RAD51B: variants seen among roughly 807,000 people sequenced by gnomAD.
RAD51B encodes DNA repair protein RAD51 homolog 2.
Under a neutral mutation model 42.2 loss-of-function variants are expected in RAD51B, and 38 were observed. The observed-to-expected ratio is 0.90, with a 90% CI of 0.70 to 1.18. The LOEUF (loss-of-function observed/expected upper bound fraction) is 1.18. Ranked by LOEUF, RAD51B falls within the 50% of genes most tolerant of loss-of-function variation. RAD51B has a pLI of 0.00. For missense variants in RAD51B, 373 were observed against 400.7 expected, an observed-to-expected ratio of 0.93 and a Z score of 0.59; for synonymous variants, 154 against 145.2, an observed-to-expected ratio of 1.06 and a Z score of -0.43.
intron 10 of RAD51B, among the ~76,000 whole-genome samples, chr14:68,593,723 G>T (rs538434078): frequency 2.4e-4 from 36 of 152,150 alleles, no homozygotes; most frequent in Non-Finnish European, 5.1e-4. Flanking sequence ...ACAAAGAGAG[G>T]CTCCCACTGT....
chr14:68,301,508 A>T (rs1439190643), intron 8 of RAD51B, among the ~76,000 whole-genome samples: 1 of 151,674 alleles, frequency 6.6e-6, no homozygotes, highest in Non-Finnish European at 1.5e-5. Context: ...TTGCCCTTTG[A>T]CTGGATACTA....
chr14:68,141,797 A>G (rs955521313), intron 7 of RAD51B, among the ~76,000 whole-genome samples: 1 of 152,184 alleles, frequency 6.6e-6, no homozygotes, highest in Admixed American at 6.5e-5. Flanking sequence ...AAGCATAATA[A>G]AAGTAGGACT....
intron 7 of RAD51B, among the ~76,000 whole-genome samples, chr14:67,899,727 C>CT (rs377632372): frequency 7.2e-5 from 11 of 152,222 alleles, no homozygotes; most frequent in African/African-American, 2.2e-4. Context: ...TTGATAACTA[C>CT]TTTTTTTGTT....
chr14:67,865,072 A>C lies in RAD51B; in HGVS notation c.385A>C (p.Thr129Pro). Reference sequence around the variant, plus strand: ...GATGAGCATTTTGGCTACATTACCCACCAACATGGGAGGATTAGAAGGAGC... The same window carrying C: ...GATGAGCATTTTGGCTACATTACCCCCCAACATGGGAGGATTAGAAGGAGC... ...IMMSILATLP[T>P]NMGGLEGAVV... The change falls in exon 5 of 11, where the codon ACC (threonine) becomes CCC (proline). Residue 129 changes from threonine (T) to proline (P), a missense_variant. Physicochemically the swap from Thr to Pro is conservative, Grantham distance 38. Coordinates refer to ENST00000471583, the MANE Select transcript of RAD51B (RefSeq NM_133510.4). 6.3e-7 allele frequency: 1 copy of C among 1,598,318 alleles called. No individual in the cohort carries two copies. Among genetic ancestry groups the C allele is most frequent in the Non-Finnish European group, 8.5e-7 (1 of 1,174,982 alleles).
At chr14:68,673,908 T>C (rs1595058376) in intron 11 of RAD51B, among the ~76,000 whole-genome samples, 1 of 150,972 alleles carries the variant, frequency 6.6e-6, no homozygotes. Context: ...ACACATACTG[T>C]ACACACACAT....
In RAD51B at chr14:67,976,915, A is replaced by G. The variant is rs1320033601; in HGVS notation, c.756+89711A>G. Among the ~76,000 whole-genome samples the G allele has an allele frequency of 2.0e-5, 3 of 152,216 alleles. No homozygotes were observed. The East Asian group carries it at 5.8e-4, about 29-fold the overall frequency. Reference sequence around the variant, plus strand: ...CAACAAGTGGGCGAAGGATATGAACAGACACTTCTCAAAAGAAGACATTTA... The same window carrying G: ...CAACAAGTGGGCGAAGGATATGAACGGACACTTCTCAAAAGAAGACATTTA... On this transcript the variant is annotated intron_variant, in intron 7 of 10. Coordinates refer to ENST00000471583, the MANE Select transcript of RAD51B (RefSeq NM_133510.4).
At chr14:68,531,816 T>C (rs1021929899) in intron 10 of RAD51B, among the ~76,000 whole-genome samples, 1 of 152,016 alleles carries the variant, frequency 6.6e-6, no homozygotes. Flanking sequence ...CTAGACGAGA[T>C]AGGAAGACCC....
intron 8 of RAD51B, among the ~76,000 whole-genome samples, chr14:68,326,888 G>T (rs1566810604): frequency 1.3e-5 from 2 of 151,934 alleles, no homozygotes; most frequent in Admixed American, 6.5e-5. Context: ...GATAGAGGGG[G>T]CTGTGTGGAA....
intron 10 of RAD51B, among the ~76,000 whole-genome samples, chr14:68,582,800 A>G (rs1206660596): frequency 6.6e-6 from 1 of 152,246 alleles, no homozygotes; most frequent in Non-Finnish European, 1.5e-5. Context: ...TAGCACATAT[A>G]CACCATGGAA....
intron 10 of RAD51B, among the ~76,000 whole-genome samples, chr14:68,498,059 C>T (rs1286142871): frequency 6.6e-6 from 1 of 152,130 alleles, no homozygotes; most frequent in East Asian, 1.9e-4. Context: ...TATGGTGATT[C>T]TATGTTTAAC....
intron 7 of RAD51B, among the ~76,000 whole-genome samples, chr14:67,994,936 A>G (rs1190586543): frequency 6.6e-6 from 1 of 152,230 alleles, no homozygotes; most frequent in East Asian, 1.9e-4. Context: ...TCAGCTTTTA[A>G]AAGGAAAAAC....
intron 10 of RAD51B, among the ~76,000 whole-genome samples, chr14:68,519,102 A>T (rs1382857644): frequency 6.6e-6 from 1 of 152,200 alleles, no homozygotes; most frequent in African/African-American, 2.4e-5. Flanking sequence ...AGGTGGGAAT[A>T]TTTATACCAC....
At chr14:68,016,220 C>A (rs921671374) in intron 7 of RAD51B, among the ~76,000 whole-genome samples, 6 of 152,094 alleles carry the variant, frequency 3.9e-5, no homozygotes, top group African/African-American at 1.4e-4. Context: ...AAAACATTGG[C>A]AGTTTGAGAG....
chr14:68,352,992 T>C (rs2082821431), intron 8 of RAD51B, among the ~76,000 whole-genome samples: 2 of 152,208 alleles, frequency 1.3e-5, no homozygotes, highest in South Asian at 4.1e-4. Context: ...CATAAAACTT[T>C]TCCTCAATGT....
rs1474311279 is a variant in RAD51B at position 68,639,849 on chromosome 14, G to A, written c.1037-10932G>A. ...TTGTTGTCCAGGCCGGAGTGCAGTG[G>A]CGCAATCTCGGCTCACTGCTGCCTC... is the stretch of plus-strand genomic sequence containing the variant. On this transcript the variant is annotated intron_variant, in intron 10 of 11. Coordinates refer to the RAD51B transcript ENST00000488612. 3.3e-5 allele frequency among the ~76,000 whole-genome samples: 5 copies of A among 152,062 alleles called. No homozygotes were observed. The East Asian group carries it at 9.6e-4, about 29-fold the overall frequency.
At chr14:68,285,097 CAGG>C (rs1379826966) in intron 7 of RAD51B, among the ~76,000 whole-genome samples, 1 of 152,186 alleles carries the variant, frequency 6.6e-6, no homozygotes, top group Non-Finnish European at 1.5e-5. Flanking sequence ...GGTTGGGGAG[CAGG>C]AGGACAGCAT....
intron 8 of RAD51B, among the ~76,000 whole-genome samples, chr14:68,382,314 C>T (rs977470495): frequency 2.0e-5 from 3 of 151,500 alleles, no homozygotes; most frequent in Non-Finnish European, 4.4e-5. Context: ...TAGCAAATAC[C>T]CTGGGGAGTG....
chr14:68,036,813 C>A (rs926613431), intron 7 of RAD51B, among the ~76,000 whole-genome samples: 11 of 152,164 alleles, frequency 7.2e-5, no homozygotes, highest in African/African-American at 2.4e-4. Flanking sequence ...TGACTTAATT[C>A]ATCAATCTAT....
intron 10 of RAD51B, among the ~76,000 whole-genome samples, chr14:68,517,734 A>C (rs981242127): frequency 1.3e-5 from 2 of 152,220 alleles, no homozygotes; most frequent in African/African-American, 4.8e-5. Context: ...AAAACATATC[A>C]TTAGGTATCA....
Sources: gnomAD v4.1 joint callset for allele counts (sites outside exome capture counted in the v4.1 genomes callset) on GRCh38, gnomAD v4.1.1 for gene constraint, MANE v1.5 for transcripts, NCBI Gene and HGNC (gene_info 2026-07-23, HGNC 2026-07-21) for gene names.